Variants in LUZP2 observed in about 807,000 individuals in gnomAD.
The protein encoded by LUZP2 is leucine zipper protein 2.
A neutral mutation model predicts 51.6 loss-of-function variants in LUZP2; 52 were observed. The observed-to-expected ratio is 1.01, with a 90% CI of 0.81 to 1.27. The LOEUF (loss-of-function observed/expected upper bound fraction) is 1.27. LUZP2 is among the 50% of genes most tolerant of loss of function. The pLI is 0.00. For synonymous variants in LUZP2, 154 were observed against 137.3 expected (o/e 1.12, Z -0.85); for missense variants, 436 against 395.4 (o/e 1.10, Z -0.87).
intron 4 of LUZP2, among the ~76,000 whole-genome samples, chr11:24,753,414 C>T (rs1228878276): frequency 6.6e-6 from 1 of 152,084 alleles, no homozygotes; most frequent in South Asian, 2.1e-4. Flanking sequence ...AGCTTTATGT[C>T]CCCCAGGGTA....
intron 4 of LUZP2, among the ~76,000 whole-genome samples, chr11:24,747,235 G>A (rs1323809578): frequency 6.6e-6 from 1 of 152,152 alleles, no homozygotes; most frequent in Non-Finnish European, 1.5e-5. Flanking sequence ...GTCCCATGGG[G>A]TATTCCCTTG....
chr11:24,535,920 A>G (rs951933485), intron 1 of LUZP2, among the ~76,000 whole-genome samples: 2 of 151,666 alleles, frequency 1.3e-5, no homozygotes, highest in South Asian at 4.1e-4. Flanking sequence ...TTTAAATAAT[A>G]AGACTCAAAA....
intron 5 of LUZP2, among the ~76,000 whole-genome samples, chr11:24,791,484 T>C (rs182556275): frequency 1.4e-3 from 214 of 152,308 alleles, no homozygotes; most frequent in African/African-American, 4.8e-3. Context: ...TAAACATATG[T>C]TAACAATATT....
intron 9 of LUZP2, among the ~76,000 whole-genome samples, chr11:24,996,562 C>T (rs1297049163): frequency 2.0e-5 from 3 of 147,494 alleles, no homozygotes; most frequent in Non-Finnish European, 4.5e-5. Context: ...TATTATTTTT[C>T]TTTTTTCTTT....
intron 4 of LUZP2, among the ~76,000 whole-genome samples, chr11:24,758,116 A>G (rs1859841228): frequency 6.6e-6 from 1 of 152,150 alleles, no homozygotes; most frequent in Non-Finnish European, 1.5e-5. Flanking sequence ...ACTTATAGGC[A>G]TATTTCATTA....
intron 1 of LUZP2, among the ~76,000 whole-genome samples, chr11:24,635,421 A>AGTGTGT (rs3078023): frequency 0.18 from 26,882 of 150,144 alleles, 2,449 homozygotes; most frequent in East Asian, 0.28. Context: ...ATCAGAAAAG[A>AGTGTGT]GTGTGTGTGT....
At chr11:25,043,794 ATATC>A (rs891695286) in intron 9 of LUZP2, among the ~76,000 whole-genome samples, 1 of 147,956 alleles carries the variant, frequency 6.8e-6, no homozygotes, top group Non-Finnish European at 1.5e-5. Context: ...GTGTATATAT[ATATC>A]TGTCACATTA....
chr11:24,857,236 CCA>C (rs1314637304), intron 5 of LUZP2, among the ~76,000 whole-genome samples: 7 of 149,026 alleles, frequency 4.7e-5, no homozygotes, highest in Non-Finnish European at 1.0e-4. Flanking sequence ...CCATGTATCC[CCA>C]CTCCCCTACC....
intron 5 of LUZP2, among the ~76,000 whole-genome samples, chr11:24,769,188 A>G (rs184353437): frequency 0.044 from 6,623 of 149,480 alleles, 213 homozygotes; most frequent in Middle Eastern, 0.088. Flanking sequence ...ACAAAAGTTG[A>G]TCTCAAAGAA....
At chr11:24,751,017 C>T (rs1010649076) in intron 4 of LUZP2, among the ~76,000 whole-genome samples, 1 of 152,166 alleles carries the variant, frequency 6.6e-6, no homozygotes. Context: ...TCATTCATTC[C>T]AAGAATACTT....
chr11:25,034,353 T>C (rs866395550), intron 9 of LUZP2, among the ~76,000 whole-genome samples: 2 of 152,184 alleles, frequency 1.3e-5, no homozygotes, highest in Non-Finnish European at 2.9e-5. Context: ...TTTACAAATA[T>C]CTTCTTCCAT....
At chr11:24,775,160 A>T (rs1848878587) in intron 5 of LUZP2, among the ~76,000 whole-genome samples, 2 of 152,132 alleles carry the variant, frequency 1.3e-5, no homozygotes, top group Admixed American at 1.3e-4. Flanking sequence ...TGAAGGCTTC[A>T]TCTAAGGGGT....
chr11:25,007,186 G>T (rs1856855134), intron 9 of LUZP2, among the ~76,000 whole-genome samples: 1 of 152,110 alleles, frequency 6.6e-6, no homozygotes, highest in African/African-American at 2.4e-5. Context: ...AGACAGAAAA[G>T]TTCTCCAAGT....
intron 1 of LUZP2, among the ~76,000 whole-genome samples, chr11:24,601,912 GTA>G (rs1436965251): frequency 7.3e-6 from 1 of 136,864 alleles, no homozygotes; most frequent in Non-Finnish European, 1.5e-5. Context: ...ATGTATATAT[GTA>G]TATATGTATA....
intron 5 of LUZP2, among the ~76,000 whole-genome samples, chr11:24,776,662 G>T (rs1310292693): frequency 2.0e-5 from 3 of 152,012 alleles, no homozygotes; most frequent in African/African-American, 7.2e-5. Context: ...ATGTCCCCTT[G>T]GCTATAATTC....
intron 1 of LUZP2, among the ~76,000 whole-genome samples, chr11:24,623,721 C>A (rs1402155004): frequency 6.6e-6 from 1 of 152,122 alleles, no homozygotes; most frequent in Non-Finnish European, 1.5e-5. Flanking sequence ...GTGGCCGGTG[C>A]CTGTAGGCCC....
At chr11:24,939,291 A>T (rs1419066897) in intron 7 of LUZP2, among the ~76,000 whole-genome samples, 1 of 152,262 alleles carries the variant, frequency 6.6e-6, no homozygotes, top group East Asian at 1.9e-4. Flanking sequence ...AGGTGCAGGA[A>T]AAACAAACTT....
intron 1 of LUZP2, among the ~76,000 whole-genome samples, chr11:24,565,795 A>G (rs1852195629): frequency 6.6e-6 from 1 of 152,162 alleles, no homozygotes; most frequent in Non-Finnish European, 1.5e-5. Context: ...AAAAGTAAAC[A>G]GTTTGTCTTC....
chr11:24,533,584 G>T lies in LUZP2; in HGVS notation c.62+36279G>T, dbSNP rs768260759. ...GGAATTGAAAATATTTTGTTCTCCT[G>T]ATATAAAGCATGCAAAAGTAAAACT... On this transcript the variant is annotated intron_variant, in intron 1 of 11. Coordinates refer to ENST00000336930, the MANE Select transcript of LUZP2 (RefSeq NM_001009909.4). Among the ~76,000 whole-genome samples, 33 of 151,120 alleles carry T rather than the reference G, an allele frequency of 2.2e-4. 1 individual carries two copies. Among genetic ancestry groups the T allele is most frequent in the Admixed American group, 1.4e-3 (21 of 15,050 alleles).
Sources: allele counts gnomAD v4.1 joint callset (sites outside exome capture counted in the v4.1 genomes callset), GRCh38; gene constraint gnomAD v4.1.1; transcripts MANE v1.5; gene names NCBI Gene and HGNC (gene_info 2026-07-23, HGNC 2026-07-21).